MITF: variants seen among roughly 807,000 people sequenced by gnomAD.
The protein encoded by MITF is melanocyte inducing transcription factor.
A neutral mutation model predicts 60.5 loss-of-function variants in MITF; 17 were observed. That is an observed-to-expected ratio of 0.28 (90% CI 0.19 to 0.42). MITF has a LOEUF of 0.42. Among genes scored for constraint, MITF ranks in the 10% least tolerant of loss-of-function variants. The pLI is 1.00. For missense variants in MITF, 622 were observed against 683.5 expected (o/e 0.91, Z 1.00); for synonymous variants, 260 against 248.5 (o/e 1.05, Z -0.43).
chr3:69,794,629 GT>G (rs1366669382), intron 1 of MITF, among the ~76,000 whole-genome samples: 1 of 152,136 alleles, frequency 6.6e-6, no homozygotes, highest in Non-Finnish European at 1.5e-5. Context: ...AAAAATAGCA[GT>G]GTCATCCAGG....
intron 2 of MITF, among the ~76,000 whole-genome samples, chr3:69,898,978 T>C (rs1004532500): frequency 1.3e-5 from 2 of 152,202 alleles, no homozygotes; most frequent in Non-Finnish European, 2.9e-5. Context: ...GAGAGGTGGG[T>C]ACTTAGTCAA....
intron 1 of MITF, among the ~76,000 whole-genome samples, chr3:69,870,812 A>G (rs2064220948): frequency 6.6e-6 from 1 of 152,082 alleles, no homozygotes; most frequent in Non-Finnish European, 1.5e-5. Context: ...GACCTGGGAG[A>G]TGTTGTGGGT....
chr3:69,876,351 A>G (rs2064353447), intron 1 of MITF, among the ~76,000 whole-genome samples: 1 of 152,140 alleles, frequency 6.6e-6, no homozygotes. Context: ...TTTTAACCTG[A>G]CAGGCTTTGA....
At chr3:69,920,402 G>A (rs184530746) in intron 2 of MITF, among the ~76,000 whole-genome samples, 3 of 152,240 alleles carry the variant, frequency 2.0e-5, no homozygotes, top group African/African-American at 4.8e-5. Context: ...GTGGTTTTCC[G>A]GAGGCCTAAC....
intron 1 of MITF, among the ~76,000 whole-genome samples, chr3:69,830,835 A>G (rs998664771): frequency 2.0e-5 from 3 of 152,102 alleles, no homozygotes; most frequent in Non-Finnish European, 2.9e-5. Context: ...CATGAATCTC[A>G]TGTCTTACGT....
chr3:69,852,014 C>T (rs574443705), intron 1 of MITF, among the ~76,000 whole-genome samples: 1 of 152,136 alleles, frequency 6.6e-6, no homozygotes, highest in African/African-American at 2.4e-5. Flanking sequence ...GTAACCATCT[C>T]TTTCGGCAAA....
At chr3:69,963,077 G>A (rs1220659266) in intron 9 of MITF, among the ~76,000 whole-genome samples, 3 of 152,120 alleles carry the variant, frequency 2.0e-5, no homozygotes, top group Admixed American at 2.0e-4. Context: ...AGGCCCACTA[G>A]TAAAATCTCT....
At chr3:69,826,858 C>T (rs1397596848) in intron 1 of MITF, among the ~76,000 whole-genome samples, 1 of 152,142 alleles carries the variant, frequency 6.6e-6, no homozygotes, top group Admixed American at 6.5e-5. Context: ...GTTGCTTGTA[C>T]ACAGTGTTTT....
chr3:69,879,483 C>T (rs764586305), intron 2 of MITF, 100 bp downstream of exon 2: 93 of 1,564,594 alleles, frequency 5.9e-5, no homozygotes, highest in Non-Finnish European at 7.7e-5. Context: ...TAGACTGACC[C>T]TTCAGAATTA....
At chr3:69,810,634 A>T (rs1333240085) in intron 1 of MITF, among the ~76,000 whole-genome samples, 2 of 152,224 alleles carry the variant, frequency 1.3e-5, no homozygotes, top group Non-Finnish European at 2.9e-5. Context: ...TATTGCTTTA[A>T]GTCTACTAGT....
At chr3:69,890,824 A>G (rs1045694458) in intron 2 of MITF, among the ~76,000 whole-genome samples, 1 of 152,178 alleles carries the variant, frequency 6.6e-6, no homozygotes, top group Non-Finnish European at 1.5e-5. Flanking sequence ...AATGCAAACA[A>G]TGAGTCAATT....
intron 1 of MITF, among the ~76,000 whole-genome samples, chr3:69,870,259 T>TAC (rs146363082): frequency 0.027 from 3,941 of 145,258 alleles, 111 homozygotes; most frequent in African/African-American, 0.065. Flanking sequence ...GGTAAATGGA[T>TAC]ACACACACAC....
intron 1 of MITF, among the ~76,000 whole-genome samples, chr3:69,801,787 G>A (rs1259973875): frequency 6.6e-6 from 1 of 152,170 alleles, no homozygotes; most frequent in African/African-American, 2.4e-5. Context: ...GGGCTATAGA[G>A]TATGGTGGAG....
chr3:69,801,654 A>G (rs2062921371), intron 1 of MITF, among the ~76,000 whole-genome samples: 1 of 152,220 alleles, frequency 6.6e-6, no homozygotes, highest in Non-Finnish European at 1.5e-5. Context: ...ACCATTTTAG[A>G]TTCCATGCAG....
At chr3:69,920,735 G>A (rs1185410171) in intron 2 of MITF, among the ~76,000 whole-genome samples, 2 of 152,112 alleles carry the variant, frequency 1.3e-5, no homozygotes, top group Non-Finnish European at 2.9e-5. Context: ...CAGACATTCG[G>A]GGCCACTACC....
chr3:69,899,337 G>C (rs1404250906), intron 2 of MITF, among the ~76,000 whole-genome samples: 1 of 152,192 alleles, frequency 6.6e-6, no homozygotes, highest in Non-Finnish European at 1.5e-5. Flanking sequence ...AGGTGGGCAG[G>C]GGCCAGGGGC....
At chr3:69,921,152 G>A (rs896283372) in intron 2 of MITF, among the ~76,000 whole-genome samples, 2 of 152,220 alleles carry the variant, frequency 1.3e-5, no homozygotes, top group South Asian at 2.1e-4. Flanking sequence ...GATTACAGGC[G>A]TGAGCCACTG....
intron 1 of MITF, among the ~76,000 whole-genome samples, chr3:69,792,568 T>C (rs191856952): frequency 6.6e-6 from 1 of 152,316 alleles, no homozygotes; most frequent in East Asian, 1.9e-4. Flanking sequence ...GTTTGGTTTA[T>C]ATCAACAATC....
At position 69,925,669 on chromosome 3, in the gene MITF, T is replaced by C. The variant is rs114052391; in HGVS notation, c.355-12153T>C. 2.7e-3 allele frequency among the ~76,000 whole-genome samples: 407 copies of C among 152,308 alleles called. 1 individual carries two copies. The highest frequency in any genetic ancestry group is 9.5e-3 in the African/African-American group (397 of 41,576). ...GCCCTACAACATCTGGCCCAGACAT[T>C]CTTTTCAGGGCTCTCACTGACCTTG... On this transcript the variant is annotated intron_variant, in intron 2 of 9. Coordinates refer to ENST00000352241, the MANE Select transcript of MITF (RefSeq NM_001354604.2).
Sources: gnomAD v4.1 joint callset for allele counts (sites outside exome capture counted in the v4.1 genomes callset) on GRCh38, gnomAD v4.1.1 for gene constraint, MANE v1.5 for transcripts, NCBI Gene and HGNC (gene_info 2026-07-23, HGNC 2026-07-21) for gene names.